MYOM1: variants seen among roughly 807,000 people sequenced by gnomAD.
The protein encoded by MYOM1 is myomesin-1.
Under a neutral mutation model 205.3 loss-of-function variants are expected in MYOM1, and 164 were observed. That is an observed-to-expected ratio of 0.80 (90% CI 0.70 to 0.91). The LOEUF (loss-of-function observed/expected upper bound fraction) is 0.91, where lower values mean the gene tolerates loss of function less well. MYOM1 is among the 40% of genes least tolerant of loss of function. The pLI, the probability that MYOM1 is intolerant of heterozygous loss-of-function variation, is 0.00. For missense variants in MYOM1, 2,011 were observed against 2,127.3 expected, an observed-to-expected ratio of 0.95 and a Z score of 1.08; for synonymous variants, 772 against 789.4, an observed-to-expected ratio of 0.98 and a Z score of 0.37.
chr18:3,156,292 CCAAA>C (rs969310121), intron 10 of MYOM1, among the ~76,000 whole-genome samples: 2 of 152,156 alleles, frequency 1.3e-5, no homozygotes, highest in Non-Finnish European at 2.9e-5. Flanking sequence ...CCCATGTCGA[CCAAA>C]CAAACACTTT....
chr18:3,090,217 A>ATTTTTTTTT (rs71159040), intron 27 of MYOM1, among the ~76,000 whole-genome samples: 1 of 124,646 alleles, frequency 8.0e-6, no homozygotes, highest in Non-Finnish European at 1.6e-5. Context: ...TGAAAACTGT[A>ATTTTTTTTT]TTTTTTTTTT....
intron 10 of MYOM1, among the ~76,000 whole-genome samples, chr18:3,164,030 T>TG (rs1269842929): frequency 1.3e-5 from 2 of 150,770 alleles, no homozygotes; most frequent in African/African-American, 2.5e-5. Flanking sequence ...TCAAAAAAAT[T>TG]TTTTTTTGTA....
At chr18:3,162,772 TC>T (rs1259947479) in intron 10 of MYOM1, among the ~76,000 whole-genome samples, 1 of 152,118 alleles carries the variant, frequency 6.6e-6, no homozygotes, top group Non-Finnish European at 1.5e-5. Flanking sequence ...ACGCCTGTAA[TC>T]CCAGCACTTT....
intron 9 of MYOM1, among the ~76,000 whole-genome samples, chr18:3,167,591 G>T (rs1031841183): frequency 2.0e-5 from 3 of 152,096 alleles, no homozygotes; most frequent in African/African-American, 7.2e-5. Flanking sequence ...CACCATGTTG[G>T]CCAGGCTGGT....
At chr18:3,074,527 C>T (rs554422592) in intron 36 of MYOM1, among the ~76,000 whole-genome samples, 1 of 152,274 alleles carries the variant, frequency 6.6e-6, no homozygotes, top group Non-Finnish European at 1.5e-5. Context: ...TAGTCAGTGA[C>T]TCCTAAGATC....
intron 25 of MYOM1, among the ~76,000 whole-genome samples, chr18:3,095,162 G>A (rs964049980): frequency 6.6e-6 from 1 of 152,124 alleles, no homozygotes; most frequent in Admixed American, 6.6e-5. Flanking sequence ...ATCTATTGAG[G>A]GGGTTTCAAG....
intron 14 of MYOM1, among the ~76,000 whole-genome samples, chr18:3,140,934 G>C (rs914037535): frequency 6.6e-6 from 1 of 152,048 alleles, no homozygotes; most frequent in African/African-American, 2.4e-5. Context: ...TCTAAAAAAT[G>C]GTGCATCACT....
chr18:3,234,899 A>G, the MYOM1 span, among the ~76,000 whole-genome samples: 12 of 151,888 alleles, frequency 7.9e-5, no homozygotes, highest in Non-Finnish European at 1.6e-4. Flanking sequence ...TCAGTTTCAG[A>G]AAACTCTGTC....
chr18:3,243,676 G>A, the MYOM1 span, among the ~76,000 whole-genome samples: 5 of 152,080 alleles, frequency 3.3e-5, no homozygotes, highest in Admixed American at 1.3e-4. Flanking sequence ...TTCTACCCCC[G>A]GACAATCAGA....
chr18:3,188,607 G>C, intron 4 of MYOM1, 141 bp downstream of exon 4: 1 of 948,088 alleles, frequency 1.1e-6, no homozygotes, highest in Non-Finnish European at 1.5e-6. Flanking sequence ...CCAACCTGGG[G>C]GACAGAGTGA....
intron 37 of MYOM1, among the ~76,000 whole-genome samples, chr18:3,070,736 TTGTGTGTGTGTGTGTGTG>T (rs57044157): frequency 1.4e-4 from 21 of 146,102 alleles, no homozygotes; most frequent in African/African-American, 5.3e-4. Flanking sequence ...TGCATGTTCT[TTGTGTGTGTGTGTGTGTG>T]TGTGTGTGTG....
chr18:3,086,403 T>C (rs968231201), intron 29 of MYOM1, among the ~76,000 whole-genome samples: 3 of 148,576 alleles, frequency 2.0e-5, no homozygotes, highest in African/African-American at 7.6e-5. Flanking sequence ...TAAAATCATG[T>C]GGTAGGAAAG....
chr18:3,113,298 C>CTATATATATATATA (rs70964105), intron 21 of MYOM1, among the ~76,000 whole-genome samples: 1 of 145,238 alleles, frequency 6.9e-6, no homozygotes, highest in African/African-American at 2.7e-5. Context: ...GTGTTTGTGT[C>CTATATATATATATA]TATATATATA....
intron 18 of MYOM1, 66 bp downstream of exon 18, chr18:3,129,166 G>C: frequency 6.6e-7 from 1 of 1,519,206 alleles, no homozygotes; most frequent in East Asian, 2.3e-5. Flanking sequence ...AGGATGTGAT[G>C]TAGACGATGA....
At chr18:3,231,841 C>T in the MYOM1 span, among the ~76,000 whole-genome samples, 5 of 138,344 alleles carry the variant, frequency 3.6e-5, no homozygotes, top group Admixed American at 2.2e-4. Flanking sequence ...TGCGCCCAGC[C>T]GCATCCTTTT....
chr18:3,088,628 C>A (rs1451968991), intron 29 of MYOM1, among the ~76,000 whole-genome samples: 1 of 152,216 alleles, frequency 6.6e-6, no homozygotes, highest in Non-Finnish European at 1.5e-5. Flanking sequence ...CTACACACCA[C>A]ATGCTAAAGT....
At chr18:3,225,523 T>C in the MYOM1 span, among the ~76,000 whole-genome samples, 2 of 152,190 alleles carry the variant, frequency 1.3e-5, no homozygotes, top group South Asian at 4.1e-4. Flanking sequence ...GTGGCCTCTG[T>C]TGAAGCTCCC....
chr18:3,232,020 A>G, the MYOM1 span, among the ~76,000 whole-genome samples: 1 of 151,812 alleles, frequency 6.6e-6, no homozygotes, highest in East Asian at 1.9e-4. Flanking sequence ...TTTTTTAATT[A>G]TATTTTGAAT....
At chr18:3,143,233 TA>T (rs1215002589) in intron 13 of MYOM1, among the ~76,000 whole-genome samples, 1 of 99,840 alleles carries the variant, frequency 1.0e-5, no homozygotes, top group African/African-American at 3.9e-5. Flanking sequence ...ACAAAGCTCT[TA>T]AAGTACTGAG....
Sources: gnomAD v4.1 joint callset for allele counts (sites outside exome capture counted in the v4.1 genomes callset) on GRCh38, gnomAD v4.1.1 for gene constraint, MANE v1.5 for transcripts, NCBI Gene and HGNC (gene_info 2026-07-23, HGNC 2026-07-21) for gene names.